The following TLR4 variants were observed in gnomAD, a reference collection of about 807,000 sequenced individuals.
TLR4 encodes toll like receptor 4.
Under a neutral mutation model 27.4 loss-of-function variants are expected in TLR4, and 17 were observed. That is an observed-to-expected ratio of 0.62 (90% CI 0.42 to 0.93). The LOEUF (loss-of-function observed/expected upper bound fraction) is 0.93, where lower values mean the gene tolerates loss of function less well. Ranked by LOEUF, TLR4 falls within the 40% of genes least tolerant of loss-of-function variation. The probability of loss-of-function intolerance (pLI) is 0.00; values close to 1 mark genes in which losing one functional copy is unlikely to be tolerated. For missense variants in TLR4, 926 were observed against 962.3 expected, an observed-to-expected ratio of 0.96 and a Z score of 0.50; for synonymous variants, 363 against 365.7, an observed-to-expected ratio of 0.99 and a Z score of 0.08.
At position 117,712,470 on chromosome 9, in the gene TLR4, C is replaced by T; in HGVS notation, c.342C>T (p.Ile114=). ...CCTTAATATTGACAGGAAACCCCAT[C>T]CAGAGTTTAGCCCTGGGAGCCTTTT... ...LSTLILTGNP[I]QSLALGAFSG... Residue 114 remains isoleucine (I), a synonymous_variant, in exon 3 of 3, where the codon ATC becomes ATT. Coordinates refer to ENST00000355622, the MANE Select transcript of TLR4 (RefSeq NM_138554.5). 6.2e-7 allele frequency: 1 copy of T among 1,613,904 alleles called. No individual in the cohort carries two copies. The highest frequency in any genetic ancestry group is 8.5e-7 in the Non-Finnish European group (1 of 1,179,900).
rs201687474 is a variant in TLR4, at chr9:117,717,065, T to A, written c.*2417T>A. 1 of 152,168 alleles carries A rather than the reference T, an allele frequency of 6.6e-6. No homozygotes were observed. The highest frequency in any genetic ancestry group is 1.5e-5 in the Non-Finnish European group (1 of 68,014). 9.4% of individuals were successfully genotyped at this position (152,168 alleles called of 1,614,324 possible). A position where few individuals can be genotyped will look rare whatever the true frequency, so the allele number is the denominator to read the frequency against. On this transcript the variant is annotated 3_prime_UTR_variant, in exon 3 of 3. Coordinates refer to ENST00000355622, the MANE Select transcript of TLR4 (RefSeq NM_138554.5). ...ACTAGTGAAAGTAGATGTGTGCATT[T>A]GTGCACATATCCCTATGTATCCCTA...
In TLR4 at chr9:117,718,825, A is replaced by G. The variant is rs1829389501; in HGVS notation, c.*4177A>G. On this transcript the variant is annotated 3_prime_UTR_variant, in exon 3 of 3. Coordinates refer to ENST00000355622, the MANE Select transcript of TLR4 (RefSeq NM_138554.5). ...GGGAGGTCTTCTCAGTAACAACACTAAAGTAATTGCTATTTTTCCAGCCTG... is the reference window on the plus strand; with the variant it reads ...GGGAGGTCTTCTCAGTAACAACACTGAAGTAATTGCTATTTTTCCAGCCTG... The G allele has an allele frequency of 1.3e-5, 2 of 152,192 alleles. No individual in the cohort carries two copies. Among genetic ancestry groups the G allele is most frequent in the African/African-American group, 2.4e-5 (1 of 41,454 alleles). 9.4% of individuals were successfully genotyped at this position (152,192 alleles called of 1,614,324 possible). A position where few individuals can be genotyped will look rare whatever the true frequency, so the allele number is the denominator to read the frequency against.
At chr9:117,712,299 A>G (rs540233650) in intron 2 of TLR4, 90 bp from the exon 3 acceptor site, 2 of 1,277,810 alleles carry the variant, frequency 1.6e-6, no homozygotes, top group East Asian at 2.5e-5. Context: ...TCACATCTGT[A>G]TGAAGAGCTG....
intron 2 of TLR4, among the ~76,000 whole-genome samples, chr9:117,709,758 T>C (rs1429587522): frequency 4.6e-5 from 7 of 152,142 alleles, no homozygotes; most frequent in African/African-American, 9.6e-5. Context: ...CGACCTATTA[T>C]ACTCTAATTT....
At position 117,723,350 on chromosome 9, in the gene TLR4, A is replaced by G. The variant is rs1236856282; in HGVS notation, c.*8702A>G. On this transcript the variant is annotated 3_prime_UTR_variant, in exon 3 of 3. Coordinates refer to ENST00000355622, the MANE Select transcript of TLR4 (RefSeq NM_138554.5). ...CCTCATTTCTGAAAAGGATTAAGCT[A>G]TCAACCCCATTGAGTTATAGGTGAA... 6.6e-6 allele frequency: 1 copy of G among 152,206 alleles called. No individual in the cohort carries two copies. Among genetic ancestry groups the G allele is most frequent in the African/African-American group, 2.4e-5 (1 of 41,450 alleles). 9.4% of individuals were successfully genotyped at this position (152,206 alleles called of 1,614,324 possible).
At position 117,720,182 on chromosome 9, in the gene TLR4, T is replaced by C. The variant is rs1016829137; in HGVS notation, c.*5534T>C. 1 of 152,154 alleles carries C rather than the reference T, an allele frequency of 6.6e-6. No individual in the cohort carries two copies. Among genetic ancestry groups the C allele is most frequent in the Non-Finnish European group, 1.5e-5 (1 of 68,028 alleles). The allele number at this position is 152,154 out of a possible 1,614,324, so 9.4% of individuals were successfully genotyped here. ...AGAAACAGATGAAAGGACTGAATTG[T>C]TCAATAGGAAGGAGCAGAATCAGGA... On this transcript the variant is annotated 3_prime_UTR_variant, in exon 3 of 3. Coordinates refer to ENST00000355622, the MANE Select transcript of TLR4 (RefSeq NM_138554.5).
chr9:117,708,136 A>G (rs1829166867), intron 1 of TLR4: 3 of 942,448 alleles, frequency 3.2e-6, no homozygotes, highest in Admixed American at 5.2e-5. Context: ...CATTTTACAT[A>G]TGATAAAATG....
rs374557658 is a variant in TLR4, at chr9:117,714,378, A to G, written c.2250A>G (p.Glu750=). The change falls in exon 3 of 3, where the codon GAA becomes GAG. Residue 750 remains glutamate, a synonymous_variant. Transcript: ENST00000355622. ...TCCAGAGCCGCTGGTGTATCTTTGA[A>G]TATGAGATTGCTCAGACCTGGCAGT... ...HFIQSRWCIF[E]YEIAQTWQFL... 13 of 1,605,202 alleles carry G rather than the reference A, an allele frequency of 8.1e-6. No individual in the cohort carries two copies. In the African/African-American group the frequency reaches 1.3e-4, roughly 16 times the overall value.
At position 117,722,385 on chromosome 9, in the gene TLR4, G is replaced by T. The variant is rs570932934; in HGVS notation, c.*7737G>T. On this transcript the variant is annotated 3_prime_UTR_variant, in exon 3 of 3. Transcript: ENST00000355622. ...TCAGTAGTTTTGGTCTTTAAGCTGAGACCCTGAGTCTTCTGAGGAGTCTAC... is the reference window on the plus strand; with the variant it reads ...TCAGTAGTTTTGGTCTTTAAGCTGATACCCTGAGTCTTCTGAGGAGTCTAC... 54 of 152,302 alleles carry T rather than the reference G, an allele frequency of 3.5e-4. No individual in the cohort carries two copies. Among genetic ancestry groups the T allele is most frequent in the African/African-American group, 1.2e-3 (48 of 41,572 alleles). 9.4% of individuals were successfully genotyped at this position (152,302 alleles called of 1,614,324 possible). A position where few individuals can be genotyped will look rare whatever the true frequency, so the allele number is the denominator to read the frequency against.
rs148151027 is a variant in TLR4, at chr9:117,708,622, C to T, written c.153C>T (p.Asn51=). 6.2e-7 allele frequency: 1 copy of T among 1,613,968 alleles called. No individual in the cohort carries two copies. The highest frequency in any genetic ancestry group is 1.7e-5 in the Admixed American group (1 of 60,016). ...MELNFYKIPD[N]LPFSTKNLDL... is the part of the protein sequence containing the mutation. ...TGAATTTCTACAAAATCCCCGACAA[C>T]CTCCCCTTCTCAACCAAGAACCTGG... is the stretch of plus-strand genomic sequence containing the variant. Residue 51 remains asparagine, a synonymous_variant, in exon 2 of 3, where the codon AAC becomes AAT. Transcript: ENST00000355622.
Position 117,714,225 on chromosome 9 carries a change from G to A in TLR4, c.2097G>A (p.Gly699=). 2 of 1,605,626 alleles carry A rather than the reference G, an allele frequency of 1.2e-6. No homozygotes were observed. Among genetic ancestry groups the A allele is most frequent in the East Asian group, 4.5e-5 (2 of 44,586 alleles). Reference sequence around the variant, plus strand: ...AGCTAGTAAAGAATTTAGAAGAAGGGGTGCCTCCATTTCAGCTCTGCCTTC... The same window carrying A: ...AGCTAGTAAAGAATTTAGAAGAAGGAGTGCCTCCATTTCAGCTCTGCCTTC... ...RNELVKNLEE[G]VPPFQLCLHY... The change falls in exon 3 of 3, where the codon GGG becomes GGA. Residue 699 remains glycine (G), a synonymous_variant. Transcript: ENST00000355622.
rs1319956499 is a variant in TLR4, at chr9:117,723,106, C to T, written c.*8458C>T. Reference sequence around the variant, plus strand: ...CTCTGACATTCTAGCATGTTCACATCTCCAGGGCTGTTTCCTTACCTATAA... The same window carrying T: ...CTCTGACATTCTAGCATGTTCACATTTCCAGGGCTGTTTCCTTACCTATAA... On this transcript the variant is annotated 3_prime_UTR_variant, in exon 3 of 3. Transcript: ENST00000355622. 2.0e-5 allele frequency: 3 copies of T among 152,172 alleles called. No homozygotes were observed. The highest frequency in any genetic ancestry group is 4.4e-5 in the Non-Finnish European group (3 of 68,034). The allele number at this position is 152,172 out of a possible 1,614,324, so 9.4% of individuals were successfully genotyped here. A position where few individuals can be genotyped will look rare whatever the true frequency, so the allele number is the denominator to read the frequency against.
chr9:117,713,820 A>G lies in TLR4; in HGVS notation c.1692A>G (p.Leu564=). 2 of 1,614,040 alleles carry G rather than the reference A, an allele frequency of 1.2e-6. No homozygotes were observed. Among genetic ancestry groups the G allele is most frequent in the Non-Finnish European group, 1.7e-6 (2 of 1,180,012 alleles). Residue 564 remains leucine (L), a synonymous_variant, in exon 3 of 3, where the codon CTA becomes CTG. Transcript: ENST00000355622. ...NHIMTSKKQE[L]QHFPSSLAFL... is the part of the protein sequence containing the mutation. ...TAATGACTTCCAAAAAACAGGAACT[A>G]CAGCATTTTCCAAGTAGTCTAGCTT...
chr9:117,724,705 A>G lies in TLR4; in HGVS notation c.*10057A>G, dbSNP rs1829458777. 6.6e-6 allele frequency: 1 copy of G among 152,142 alleles called. No homozygotes were observed. The highest frequency in any genetic ancestry group is 1.5e-5 in the Non-Finnish European group (1 of 68,028). The allele number at this position is 152,142 out of a possible 1,614,324, so 9.4% of individuals were successfully genotyped here. On this transcript the variant is annotated 3_prime_UTR_variant, in exon 3 of 3. Transcript: ENST00000355622. The stretch of plus-strand genomic sequence containing the variant: ...TTTGTTGGCAGTTCAGTACACGGAA[A>G]TAAAGTTCTCACTTTCTTTTTTCTC...
rs1398753141 is a variant in TLR4, at chr9:117,724,111, A to G, written c.*9463A>G. ...CATCCTTCATCCTTATGCCACTGCA[A>G]ATAGCAACCAACAGTGTCCTTAGTG... On this transcript the variant is annotated 3_prime_UTR_variant, in exon 3 of 3. Transcript: ENST00000355622. The G allele has an allele frequency of 1.3e-5, 2 of 152,204 alleles. No individual in the cohort carries two copies. The highest frequency in any genetic ancestry group is 4.8e-5 in the African/African-American group (2 of 41,430). 9.4% of individuals were successfully genotyped at this position (152,204 alleles called of 1,614,324 possible).
In TLR4 at chr9:117,723,549, A is replaced by G. The variant is rs1468183139; in HGVS notation, c.*8901A>G. The G allele has an allele frequency of 1.3e-5, 2 of 152,154 alleles. No individual in the cohort carries two copies. The highest frequency in any genetic ancestry group is 2.9e-5 in the Non-Finnish European group (2 of 68,026). The allele number at this position is 152,154 out of a possible 1,614,324, so 9.4% of individuals were successfully genotyped here. A position where few individuals can be genotyped will look rare whatever the true frequency, so the allele number is the denominator to read the frequency against. ...AGAATGAAATGAGACAGAGCCTCCA[A>G]TAAAATTTAGGGAAGTGCTACATAA... is the stretch of plus-strand genomic sequence containing the variant. On this transcript the variant is annotated 3_prime_UTR_variant, in exon 3 of 3. Coordinates refer to ENST00000355622, the MANE Select transcript of TLR4 (RefSeq NM_138554.5).
intron 2 of TLR4, among the ~76,000 whole-genome samples, chr9:117,711,950 A>G (rs935800552): frequency 3.9e-5 from 6 of 152,182 alleles, no homozygotes; most frequent in African/African-American, 1.4e-4. Context: ...GATATTTACC[A>G]GTCATTTATC....
At chr9:117,711,495 T>C (rs1464185721) in intron 2 of TLR4, among the ~76,000 whole-genome samples, 1 of 152,204 alleles carries the variant, frequency 6.6e-6, no homozygotes, top group Non-Finnish European at 1.5e-5. Context: ...CTTTATCTGG[T>C]TGGTAAACCT....
Position 117,724,046 on chromosome 9 carries a change from C to G in TLR4, c.*9398C>G, listed in dbSNP as rs1482833960. 6.6e-6 allele frequency: 1 copy of G among 152,186 alleles called. No homozygotes were observed. The highest frequency in any genetic ancestry group is 6.5e-5 in the Admixed American group (1 of 15,272). The allele number at this position is 152,186 out of a possible 1,614,324, so 9.4% of individuals were successfully genotyped here. A position where few individuals can be genotyped will look rare whatever the true frequency, so the allele number is the denominator to read the frequency against. Reference sequence around the variant, plus strand: ...CCTTCCTGCTTTCTTTCTTGAAATGCCATTCATGATGGTCCCTTATATCAC... The same window carrying G: ...CCTTCCTGCTTTCTTTCTTGAAATGGCATTCATGATGGTCCCTTATATCAC... On this transcript the variant is annotated 3_prime_UTR_variant, in exon 3 of 3. Transcript: ENST00000355622.
Sources: gnomAD v4.1 joint callset for allele counts (sites outside exome capture counted in the v4.1 genomes callset) on GRCh38, gnomAD v4.1.1 for gene constraint, MANE v1.5 for transcripts, NCBI Gene and HGNC (gene_info 2026-07-23, HGNC 2026-07-21) for gene names.